SSX1: variants seen among roughly 807,000 people sequenced by gnomAD.
The protein encoded by SSX1 is protein SSX1.
SSX1 carries 58 observed loss-of-function variants against 14.6 expected under a neutral mutation model. That is an observed-to-expected ratio of 3.96 (90% confidence interval 3.21 to 4.93). The LOEUF (loss-of-function observed/expected upper bound fraction) is 4.93. Ranked by LOEUF, SSX1 falls within the 30% of genes most tolerant of loss-of-function variation. The pLI, the probability that SSX1 is intolerant of heterozygous loss-of-function variation, is 0.00. For missense variants in SSX1, 272 were observed against 143.1 expected (o/e 1.90, Z -4.60); for synonymous variants, 46 against 52.1 (o/e 0.88, Z 0.50).
chrX:48,259,001 T>TTGTTTTTTTTTC (rs1556935028), intron 4 of SSX1, among the ~76,000 whole-genome samples: 2 of 106,056 alleles, frequency 1.9e-5, no homozygotes, highest in Non-Finnish European at 3.9e-5. Context: ...TCGTTTTGTT[T>TTGTTTTTTTTTC]TGTTTTTGTT....
intron 5 of SSX1, among the ~76,000 whole-genome samples, chrX:48,262,743 T>C (rs1390917032): frequency 1.7e-4 from 19 of 111,883 alleles, no homozygotes; most frequent in African/African-American, 6.2e-4. Flanking sequence ...ATGTTATTAT[T>C]ATTACATTTG....
At chrX:48,266,672 C>T (rs1294479128) in intron 7 of SSX1, among the ~76,000 whole-genome samples, 182 bp from the exon 8 acceptor site, 6 of 111,496 alleles carry the variant, frequency 5.4e-5, no homozygotes, top group African/African-American at 9.8e-5. Flanking sequence ...ATAAACCAGG[C>T]GAGGAAGTCA....
chrX:48,263,547 G>A (rs1264571551), intron 5 of SSX1, among the ~76,000 whole-genome samples: 2 of 111,357 alleles, frequency 1.8e-5, no homozygotes, highest in African/African-American at 6.5e-5. Context: ...CTGTTTCCAC[G>A]AATGTCAGTC....
intron 1 of SSX1, 51 bp downstream of exon 1, chrX:48,255,483 A>G (rs2059577202): frequency 9.1e-6 from 1 of 110,248 alleles, no homozygotes; most frequent in Non-Finnish European, 1.9e-5. Context: ...GGCAGATAGA[A>G]AAGGAGGAAG....
chrX:48,266,381 C>T lies in SSX1; in HGVS notation c.561C>T (p.Asp187=), dbSNP rs199717766. The stretch of plus-strand genomic sequence containing the variant: ...AGATCAGTGACCCTGAGGAAGATGA[C>T]GAGTAACTCCGTAAGTGAACCTTCG... The part of the protein sequence containing the change: ...YEEISDPEED[D]E Residue 187 remains aspartate (D), a synonymous_variant, in exon 7 of 8, where the codon GAC becomes GAT. Transcript: ENST00000376919. 2.4e-4 allele frequency: 284 copies of T among 1,208,376 alleles called. No individual in the cohort carries two copies. Among genetic ancestry groups the T allele is most frequent in the Middle Eastern group, 2.2e-3 (7 of 3,129 alleles).
intron 4 of SSX1, 78 bp from the exon 5 acceptor site, chrX:48,261,688 G>A: frequency 1.9e-6 from 2 of 1,048,057 alleles, no homozygotes; most frequent in Non-Finnish European, 2.7e-6. Flanking sequence ...GCTGCAGAAT[G>A]CCCTCATGCA....
In SSX1 at chrX:48,263,819, C is replaced by T. The variant is rs73499225; in HGVS notation, c.368C>T (p.Ser123Leu). 5.7e-3 allele frequency: 6,866 copies of T among 1,209,485 alleles called. 226 individuals carry two copies. In the African/African-American group the frequency reaches 0.1, roughly 18 times the overall value. ...AAGCCAGCAGAGGACGAAAATGATT[C>T]GAAGGGAGTGTCAGAAGCATCTGGC... The part of the protein sequence containing the change: ...PKKPAEDEND[S>L]KGVSEASGPQ... Residue 123 changes from serine to leucine, a missense_variant, in exon 6 of 8, where the codon TCG (serine) becomes TTG (leucine). Physicochemically the swap from Ser to Leu is moderately radical, Grantham distance 145. Transcript: ENST00000376919.
intron 6 of SSX1, 40 bp downstream of exon 6, chrX:48,263,957 C>T (rs1204736257): frequency 2.5e-6 from 3 of 1,199,394 alleles, no homozygotes; most frequent in Non-Finnish European, 3.4e-6. Flanking sequence ...TCTGGCTTTT[C>T]TGGCTATGTT....
chrX:48,255,894 C>CTTTTT (rs782152875), intron 1 of SSX1, among the ~76,000 whole-genome samples: 1 of 77,537 alleles, frequency 1.3e-5, no homozygotes. Flanking sequence ...CCTGCCCATG[C>CTTTTT]TTTTTTTTTT....
chrX:48,261,855 T>A (rs782347633), intron 5 of SSX1, 40 bp downstream of exon 5: 1 of 1,193,484 alleles, frequency 8.4e-7, no homozygotes, highest in East Asian at 3.0e-5. Flanking sequence ...AGAACCTTTT[T>A]CCTTTCATGG....
intron 5 of SSX1, 119 bp from the exon 6 acceptor site, chrX:48,263,663 C>G: frequency 2.0e-6 from 2 of 1,014,312 alleles, no homozygotes; most frequent in Non-Finnish European, 2.7e-6. Context: ...GCAAGTGTAA[C>G]TCTCCCCGCG....
chrX:48,261,272 T>G (rs1370492436), intron 4 of SSX1, among the ~76,000 whole-genome samples: 1 of 111,828 alleles, frequency 8.9e-6, no homozygotes, highest in Non-Finnish European at 1.9e-5. Context: ...GATCTGAAAC[T>G]CCAGTGCTTG....
chrX:48,263,312 A>C (rs781970433), intron 5 of SSX1, among the ~76,000 whole-genome samples: 4 of 108,186 alleles, frequency 3.7e-5, no homozygotes, highest in African/African-American at 1.0e-4. Flanking sequence ...CCATTTCTTT[A>C]CCTCTCCCTT....
chrX:48,267,109 T>C lies in SSX1; in HGVS notation c.*260T>C, dbSNP rs2059626805. 1 of 406,257 alleles carries C rather than the reference T, an allele frequency of 2.5e-6. No individual in the cohort carries two copies. Among genetic ancestry groups the C allele is most frequent in the African/African-American group, 2.5e-5 (1 of 40,360 alleles). 33.5% of individuals were successfully genotyped at this position (406,257 alleles called of 1,213,427 possible). On this transcript the variant is annotated 3_prime_UTR_variant, in exon 8 of 8. Transcript: ENST00000376919. The stretch of plus-strand genomic sequence containing the variant: ...ATGAGCAAGACATACTGAATGCATA[T>C]TTCGGTTTGTGTATCCATGCACCTA...
chrX:48,265,051 C>T (rs2059618446), intron 6 of SSX1, among the ~76,000 whole-genome samples: 1 of 112,243 alleles, frequency 8.9e-6, no homozygotes, highest in Non-Finnish European at 1.9e-5. Context: ...TCAGGTCTTG[C>T]TCTGAATTAG....
In SSX1 at chrX:48,257,259, C is replaced by A. The variant is rs782574237; in HGVS notation, c.18C>A (p.Thr6=). 2 of 1,211,057 alleles carry A rather than the reference C, an allele frequency of 1.7e-6. No homozygotes were observed. Among genetic ancestry groups the A allele is most frequent in the Non-Finnish European group, 2.2e-6 (2 of 894,996 alleles). Residue 6 remains threonine, a synonymous_variant, in exon 2 of 8, where the codon ACC becomes ACA. Coordinates refer to ENST00000376919, the MANE Select transcript of SSX1 (RefSeq NM_005635.4). MNGDD[T]FAKRPRDDAK... is the part of the protein sequence containing the mutation. ...CTGGTGCCATGAACGGAGACGACAC[C>A]TTTGCAAAGAGACCCAGGGATGATG...
rs782800954 is a variant in SSX1 at position 48,263,773 on chromosome X, A to C, written c.331-9A>C. The C allele has an allele frequency of 3.3e-6, 4 of 1,209,412 alleles. No individual in the cohort carries two copies. The African/African-American group carries it at 7.0e-5, about 21-fold the overall frequency. The stretch of plus-strand genomic sequence containing the variant: ...GATACTGTTTATCTGTAACCTTCAC[A>C]TTATAAAGATCATGCCCAAGAAGCC... On this transcript the variant is annotated splice_polypyrimidine_tract_variant and intron_variant, in intron 5 of 7. Transcript: ENST00000376919.
rs1556935959 is a variant in SSX1, at chrX:48,263,871, C to A, written c.420C>A (p.His140Gln). The A allele has an allele frequency of 5.0e-6, 6 of 1,210,342 alleles. No homozygotes were observed. The highest frequency in any genetic ancestry group is 5.6e-6 in the Non-Finnish European group (5 of 894,647). Residue 140 changes from histidine to glutamine, a missense_variant, in exon 6 of 8, where the codon CAC (histidine) becomes CAA (glutamine). Physicochemically the swap from His to Gln is conservative, Grantham distance 24. Coordinates refer to ENST00000376919, the MANE Select transcript of SSX1 (RefSeq NM_005635.4). ...SGPQNDGKQL[H>Q]PPGKANISEK... is the part of the protein sequence containing the mutation. ...CACAAAACGATGGGAAACAACTGCA[C>A]CCCCCAGGAAAAGCAAATATTTCTG...
chrX:48,264,675 G>T (rs1556936128), intron 6 of SSX1, among the ~76,000 whole-genome samples: 1 of 111,848 alleles, frequency 8.9e-6, no homozygotes, highest in East Asian at 2.8e-4. Flanking sequence ...ACATCGATTA[G>T]CTCTCCCTTT....
Sources: allele counts gnomAD v4.1 joint callset (sites outside exome capture counted in the v4.1 genomes callset), GRCh38; gene constraint gnomAD v4.1.1; transcripts MANE v1.5; gene names NCBI Gene and HGNC (gene_info 2026-07-23, HGNC 2026-07-21).